Variants in ZC3H14 observed in about 807,000 individuals in gnomAD.
The protein encoded by ZC3H14 is zinc finger CCCH-type containing 14, also known as zinc finger CCCH domain-containing protein 14.
In ZC3H14, 31 loss-of-function variants were observed where a neutral mutation model predicts 92.4. The observed-to-expected ratio is 0.34, with a 90% CI of 0.25 to 0.45. ZC3H14 has a LOEUF of 0.45. Among genes scored for constraint, ZC3H14 ranks in the 20% least tolerant of loss-of-function variants. The pLI is 1.00. For synonymous variants in ZC3H14, 321 were observed against 300.9 expected (o/e 1.07, Z -0.69); for missense variants, 781 against 897.3 (o/e 0.87, Z 1.66).
At chr14:88,563,740 G>T (rs771400332) in intron 2 of ZC3H14, 47 bp downstream of exon 2, 67 of 1,576,246 alleles carry the variant, frequency 4.3e-5, no homozygotes, top group Non-Finnish European at 5.7e-5. Context: ...AGAGTTTGCA[G>T]CTAATAGAAT....
intron 9 of ZC3H14, among the ~76,000 whole-genome samples, chr14:88,578,644 G>A (rs6575011): frequency 0.95 from 144,587 of 151,990 alleles, 69,067 homozygotes; most frequent in Non-Finnish European, 1. Flanking sequence ...TGTTGATCCT[G>A]CCCGTTTACC....
Position 88,621,992 on chromosome 14 carries a change from T to C in ZC3H14, c.*10241T>C. The C allele has an allele frequency of 2.5e-6, 1 of 408,066 alleles. No individual in the cohort carries two copies. 25.3% of individuals were successfully genotyped at this position (408,066 alleles called of 1,614,324 possible). A position where few individuals can be genotyped will look rare whatever the true frequency, so the allele number is the denominator to read the frequency against. Reference sequence around the variant, plus strand: ...AACATACTATTCCTATCTGGCTGTGTAAACTTGTATCCTTTAACCAGTCCT... The same window carrying C: ...AACATACTATTCCTATCTGGCTGTGCAAACTTGTATCCTTTAACCAGTCCT... On this transcript the variant is annotated 3_prime_UTR_variant, in exon 17 of 17. Transcript: ENST00000251038.
rs1389473665 is a variant in ZC3H14, at chr14:88,615,810, A to G, written c.*4059A>G. On this transcript the variant is annotated 3_prime_UTR_variant, in exon 17 of 17. Transcript: ENST00000251038. ...CAAAGTTAATTTCTGTAGTCATCTC[A>G]GCATCTCTCAGTGAGGTGTATGTAC... 6.2e-7 allele frequency: 1 copy of G among 1,610,582 alleles called. No homozygotes were observed. The highest frequency in any genetic ancestry group is 1.1e-5 in the South Asian group (1 of 89,854).
Position 88,626,578 on chromosome 14 carries a change from T to A in ZC3H14, c.*14827T>A, listed in dbSNP as rs905813812. 15 of 438,624 alleles carry A rather than the reference T, an allele frequency of 3.4e-5. No homozygotes were observed. Among genetic ancestry groups the A allele is most frequent in the Non-Finnish European group, 5.8e-5 (14 of 239,518 alleles). 27.2% of individuals were successfully genotyped at this position (438,624 alleles called of 1,614,324 possible). On this transcript the variant is annotated 3_prime_UTR_variant, in exon 17 of 17. Coordinates refer to ENST00000251038, the MANE Select transcript of ZC3H14 (RefSeq NM_024824.5). ...GCTACAGTGAGCTATAATCGCACCA[T>A]TGCACCCCAGCCCAGGCGACAGAGT... is the stretch of plus-strand genomic sequence containing the variant.
rs534759531 is a variant in ZC3H14, at chr14:88,627,301, G to A, written c.*15550G>A. ...AAAGTGTGGTAGGTAATATTATCCT[G>A]CTGATCTGCCATTATCATTAGAAAT... On this transcript the variant is annotated 3_prime_UTR_variant, in exon 17 of 17. Coordinates refer to ENST00000251038, the MANE Select transcript of ZC3H14 (RefSeq NM_024824.5). The A allele has an allele frequency of 5.0e-5, 26 of 515,984 alleles. No homozygotes were observed. The highest frequency in any genetic ancestry group is 5.5e-5 in the South Asian group (2 of 36,296). The allele number at this position is 515,984 out of a possible 1,614,324, so 32.0% of individuals were successfully genotyped here. A position where few individuals can be genotyped will look rare whatever the true frequency, so the allele number is the denominator to read the frequency against.
At chr14:88,581,847 C>G (rs1483487286) in intron 9 of ZC3H14, among the ~76,000 whole-genome samples, 3 of 152,174 alleles carry the variant, frequency 2.0e-5, no homozygotes, top group Non-Finnish European at 4.4e-5. Context: ...AAAATAAGCT[C>G]TAACTAGTCA....
chr14:88,563,364 T>C, intron 1 of ZC3H14, 195 bp downstream of exon 1: 1 of 1,445,416 alleles, frequency 6.9e-7, no homozygotes. Flanking sequence ...TGGCTGCGGC[T>C]GAAGTAGCCG....
Position 88,618,403 on chromosome 14 carries a change from ATACTAGCATATTGC to A in ZC3H14, c.*6657_*6670del. On this transcript the variant is annotated 3_prime_UTR_variant, in exon 17 of 17. Coordinates refer to ENST00000251038, the MANE Select transcript of ZC3H14 (RefSeq NM_024824.5). ...ACAAAATCCACAGGGGGTTTACAGA[ATACTAGCATATTGC>A]TACTTGATTTACATGTCTAACATTA... 7.7e-7 allele frequency: 1 copy of A among 1,300,694 alleles called. No individual in the cohort carries two copies. The highest frequency in any genetic ancestry group is 1.2e-5 in the South Asian group (1 of 82,138). The allele number at this position is 1,300,694 out of a possible 1,614,324, so 80.6% of individuals were successfully genotyped here. A position where few individuals can be genotyped will look rare whatever the true frequency, so the allele number is the denominator to read the frequency against.
rs539107357 is a variant in ZC3H14, at chr14:88,575,592, G to T, written c.1023-248G>T. On this transcript the variant is annotated intron_variant, in intron 7 of 16. Coordinates refer to ENST00000251038, the MANE Select transcript of ZC3H14 (RefSeq NM_024824.5). ...GCACCTGTAGTCCTGGACTGGAGAG[G>T]TGGATGTGGAAGCATTGCTTGAGCC... Among the ~76,000 whole-genome samples, 5 of 152,078 alleles carry T rather than the reference G, an allele frequency of 3.3e-5. No individual in the cohort carries two copies. In the South Asian group the frequency reaches 1.0e-3, roughly 32 times the overall value.
chr14:88,566,025 C>CCCG (rs1372001879), intron 2 of ZC3H14, among the ~76,000 whole-genome samples: 206 of 19,092 alleles, frequency 0.011, 69 homozygotes, highest in Non-Finnish European at 0.054. Context: ...CTGCCACCAC[C>CCCG]CCGCCCCCCC....
intron 13 of ZC3H14, among the ~76,000 whole-genome samples, chr14:88,607,929 TACC>T (rs1235321288): frequency 3.0e-5 from 2 of 67,680 alleles, no homozygotes; most frequent in South Asian, 7.1e-4. Flanking sequence ...ACCCTGCAAG[TACC>T]ATCCCCCATC....
At position 88,618,794 on chromosome 14, in the gene ZC3H14, C is replaced by A. The variant is rs761974613; in HGVS notation, c.*7043C>A. 1.3e-6 allele frequency: 2 copies of A among 1,589,530 alleles called. No individual in the cohort carries two copies. The highest frequency in any genetic ancestry group is 1.7e-6 in the Non-Finnish European group (2 of 1,166,428). ...TCTCACTAGAACCTACTGCCAGATA[C>A]CGGGAATCCGGACTAAATCTGAATC... On this transcript the variant is annotated 3_prime_UTR_variant, in exon 17 of 17. Coordinates refer to ENST00000251038, the MANE Select transcript of ZC3H14 (RefSeq NM_024824.5).
rs943006505 is a variant in ZC3H14, at chr14:88,602,157, T to C, written c.1514+74T>C. 1.8e-5 allele frequency: 29 copies of C among 1,599,452 alleles called. No homozygotes were observed. In the East Asian group the frequency reaches 2.5e-4, roughly 14 times the overall value. Reference sequence around the variant, plus strand: ...AAAGGTTAACCATTCGTTTGCAGCTTCCCTCCTCCCCGCCCTAACCGCTAG... The same window carrying C: ...AAAGGTTAACCATTCGTTTGCAGCTCCCCTCCTCCCCGCCCTAACCGCTAG... On this transcript the variant is annotated intron_variant, in intron 11 of 16. Coordinates refer to ENST00000251038, the MANE Select transcript of ZC3H14 (RefSeq NM_024824.5).
At chr14:88,585,556 T>C (rs1039804086) in intron 9 of ZC3H14, among the ~76,000 whole-genome samples, 1 of 152,032 alleles carries the variant, frequency 6.6e-6, no homozygotes, top group African/African-American at 2.4e-5. Context: ...TTTGTATTTT[T>C]AATAGAGACG....
At chr14:88,579,664 A>G (rs766248881) in intron 9 of ZC3H14, among the ~76,000 whole-genome samples, 3 of 152,188 alleles carry the variant, frequency 2.0e-5, no homozygotes, top group Non-Finnish European at 4.4e-5. Flanking sequence ...AACATCACAA[A>G]ATCAACAGAA....
At chr14:88,574,986 G>GA in intron 7 of ZC3H14, 133 bp downstream of exon 7, 1 of 1,376,122 alleles carries the variant, frequency 7.3e-7, no homozygotes, top group Non-Finnish European at 1.0e-6. Flanking sequence ...AACCAGGCTG[G>GA]AGTGCAGTGC....
chr14:88,622,524 G>T lies in ZC3H14; in HGVS notation c.*10773G>T. ...ATGCATTATTAAGTATTGTTCATTAGGCTGCAAAGGGTGAGGGAATCACAG... is the reference window on the plus strand; with the variant it reads ...ATGCATTATTAAGTATTGTTCATTATGCTGCAAAGGGTGAGGGAATCACAG... On this transcript the variant is annotated 3_prime_UTR_variant, in exon 17 of 17. Coordinates refer to ENST00000251038, the MANE Select transcript of ZC3H14 (RefSeq NM_024824.5). 2.7e-6 allele frequency: 3 copies of T among 1,118,706 alleles called. No homozygotes were observed. Among genetic ancestry groups the T allele is most frequent in the Non-Finnish European group, 3.8e-6 (3 of 799,290 alleles). The allele number at this position is 1,118,706 out of a possible 1,614,324, so 69.3% of individuals were successfully genotyped here.
chr14:88,598,014 T>C (rs2084079499), intron 10 of ZC3H14, among the ~76,000 whole-genome samples: 1 of 152,228 alleles, frequency 6.6e-6, no homozygotes, highest in Admixed American at 6.5e-5. Context: ...GTGTACACAA[T>C]ACTCTTTGTT....
chr14:88,624,900 G>C lies in ZC3H14; in HGVS notation c.*13149G>C. 6 of 1,556,080 alleles carry C rather than the reference G, an allele frequency of 3.9e-6. No homozygotes were observed. The highest frequency in any genetic ancestry group is 5.2e-6 in the Non-Finnish European group (6 of 1,147,362). Reference sequence around the variant, plus strand: ...ACTCTGTGTAGCCTAGAAACAACTAGAATAATTAACTGCAAACCTCAGGTA... The same window carrying C: ...ACTCTGTGTAGCCTAGAAACAACTACAATAATTAACTGCAAACCTCAGGTA... On this transcript the variant is annotated 3_prime_UTR_variant, in exon 17 of 17. Coordinates refer to ENST00000251038, the MANE Select transcript of ZC3H14 (RefSeq NM_024824.5).
Sources: gnomAD v4.1 joint callset for allele counts (sites outside exome capture counted in the v4.1 genomes callset) on GRCh38, gnomAD v4.1.1 for gene constraint, MANE v1.5 for transcripts, NCBI Gene and HGNC (gene_info 2026-07-23, HGNC 2026-07-21) for gene names.